Variants in SYNJ2 observed in about 807,000 individuals in gnomAD.
The protein encoded by SYNJ2 is synaptojanin 2, also known as polyphosphatidylinositol phosphatase SYNJ2.
Under a neutral mutation model 141.3 loss-of-function variants are expected in SYNJ2, and 116 were observed. The observed-to-expected ratio is 0.82, with a 90% CI of 0.71 to 0.96. The LOEUF (loss-of-function observed/expected upper bound fraction) is 0.96. Among genes scored for constraint, SYNJ2 ranks in the 40% least tolerant of loss-of-function variants. SYNJ2 has a pLI of 0.00. For missense variants in SYNJ2, 1,873 were observed against 1,934.8 expected (o/e 0.97, Z 0.60); for synonymous variants, 745 against 777.7 (o/e 0.96, Z 0.70).
At chr6:158,075,643 AAAAAAAAAAGTGTG>A (rs1405811636) in intron 16 of SYNJ2, among the ~76,000 whole-genome samples, 1 of 152,050 alleles carries the variant, frequency 6.6e-6, no homozygotes, top group Non-Finnish European at 1.5e-5. Flanking sequence ...CCGTCTCAAA[AAAAAAAAAAGTGTG>A]AGGACAGGGC....
chr6:158,039,854 C>A (rs528860202), intron 4 of SYNJ2, among the ~76,000 whole-genome samples: 3 of 152,314 alleles, frequency 2.0e-5, no homozygotes, highest in Non-Finnish European at 4.4e-5. Context: ...TGTGGTGCCG[C>A]CCGCAGGTCA....
At position 158,033,567 on chromosome 6, in the gene SYNJ2, C is replaced by G. The variant is rs1779484305; in HGVS notation, c.598C>G (p.Gln200Glu). ...TIRTVYASHK[Q>E]AKACLVSRVS... ...CCGCACCGTGTATGCCTCCCACAAG[C>G]AGGCCAAGGCCTGCCTCGTCTCTCG... Residue 200 changes from glutamine to glutamate, a missense_variant, in exon 4 of 27, where the codon CAG (glutamine) becomes GAG (glutamate). Coordinates refer to ENST00000355585, the MANE Select transcript of SYNJ2 (RefSeq NM_003898.4). 1 of 1,614,154 alleles carries G rather than the reference C, an allele frequency of 6.2e-7. No individual in the cohort carries two copies. The highest frequency in any genetic ancestry group is 8.5e-7 in the Non-Finnish European group (1 of 1,180,042).
chr6:157,992,418 T>TTTTTTG (rs1258501231), intron 1 of SYNJ2, among the ~76,000 whole-genome samples: 4 of 147,746 alleles, frequency 2.7e-5, no homozygotes, highest in African/African-American at 9.9e-5. Flanking sequence ...TTTTTTTTTT[T>TTTTTTG]TTTTTCCTTT....
intron 4 of SYNJ2, among the ~76,000 whole-genome samples, chr6:158,038,307 T>A (rs1436291351): frequency 6.6e-6 from 1 of 152,068 alleles, no homozygotes; most frequent in Non-Finnish European, 1.5e-5. Flanking sequence ...CCAACCTTAC[T>A]CCCAGGAGCA....
At chr6:158,005,834 G>A (rs958974369) in intron 1 of SYNJ2, among the ~76,000 whole-genome samples, 2 of 152,040 alleles carry the variant, frequency 1.3e-5, no homozygotes, top group Admixed American at 1.3e-4. Flanking sequence ...GCCACTGGAA[G>A]AGAATTCCCG....
chr6:158,073,271 C>T (rs1260671146), intron 15 of SYNJ2, among the ~76,000 whole-genome samples: 1 of 152,060 alleles, frequency 6.6e-6, no homozygotes, highest in Non-Finnish European at 1.5e-5. Context: ...GATCTTGGCT[C>T]ACTGCAAACT....
chr6:158,069,920 T>C (rs1174246300), intron 14 of SYNJ2, among the ~76,000 whole-genome samples: 2 of 152,252 alleles, frequency 1.3e-5, no homozygotes, highest in African/African-American at 4.8e-5. Context: ...GGGTGTTACA[T>C]GATTGTCATC....
intron 4 of SYNJ2, among the ~76,000 whole-genome samples, chr6:158,036,750 C>A (rs1459475663): frequency 6.6e-6 from 1 of 152,118 alleles, no homozygotes; most frequent in African/African-American, 2.4e-5. Flanking sequence ...ATGTAACAAA[C>A]CTGCACAAGT....
chr6:158,043,636 T>C lies in SYNJ2; in HGVS notation c.795+237T>C, dbSNP rs1257111925. On this transcript the variant is annotated intron_variant, in intron 5 of 26. Coordinates refer to ENST00000355585, the MANE Select transcript of SYNJ2 (RefSeq NM_003898.4). This position sits in a 1 kb window ranked among gnomAD's most constrained non-coding sequence, Gnocchi z 4.0. ...CTTTGTTGTTTCTGGTCGTCAAGGA[T>C]GCTGTGTGAAACCGCTGACTCGGGA... Among the ~76,000 whole-genome samples, 1 of 152,192 alleles carries C rather than the reference T, an allele frequency of 6.6e-6. No homozygotes were observed. Among genetic ancestry groups the C allele is most frequent in the Non-Finnish European group, 1.5e-5 (1 of 68,034 alleles).
At chr6:158,014,237 GGT>G (rs1414800436) in intron 1 of SYNJ2, among the ~76,000 whole-genome samples, 5 of 152,330 alleles carry the variant, frequency 3.3e-5, no homozygotes, top group African/African-American at 1.2e-4. Context: ...ATACCTCTAT[GGT>G]GTTTGGTAGG....
At chr6:158,013,455 G>C (rs1778340835) in intron 1 of SYNJ2, among the ~76,000 whole-genome samples, 1 of 152,188 alleles carries the variant, frequency 6.6e-6, no homozygotes, top group Non-Finnish European at 1.5e-5. Context: ...AGCTCCAATG[G>C]CTGCCAGGGG....
intron 16 of SYNJ2, among the ~76,000 whole-genome samples, chr6:158,075,091 C>A (rs1782192758): frequency 6.6e-6 from 1 of 152,028 alleles, no homozygotes. Flanking sequence ...GCCGCCACAC[C>A]TGGCTAATTT....
intron 1 of SYNJ2, among the ~76,000 whole-genome samples, chr6:158,014,264 T>C (rs1562323813): frequency 6.6e-6 from 1 of 152,252 alleles, no homozygotes; most frequent in Non-Finnish European, 1.5e-5. Flanking sequence ...GTGTATTGAA[T>C]GCATTGTCAA....
chr6:158,073,743 A>G (rs6455990), intron 15 of SYNJ2, among the ~76,000 whole-genome samples: 106,264 of 151,748 alleles, frequency 0.7, 37,461 homozygotes, highest in East Asian at 0.88. Flanking sequence ...GACCTGTTTA[A>G]TCTTCTGTCC....
At chr6:158,045,828 CA>C (rs1780209417) in intron 5 of SYNJ2, among the ~76,000 whole-genome samples, 1 of 152,210 alleles carries the variant, frequency 6.6e-6, no homozygotes, top group Non-Finnish European at 1.5e-5. Flanking sequence ...CTTGGTCTGT[CA>C]GGGGCCAGGA....
At chr6:158,017,160 A>G (rs1744565333) in intron 1 of SYNJ2, 44 bp from the exon 2 acceptor site, 4 of 1,604,234 alleles carry the variant, frequency 2.5e-6, no homozygotes, top group Non-Finnish European at 3.4e-6. Flanking sequence ...AGGAATGAGC[A>G]GGAGACGCTC....
At chr6:158,082,626 C>G (rs1026789629) in intron 20 of SYNJ2, among the ~76,000 whole-genome samples, 1 of 152,154 alleles carries the variant, frequency 6.6e-6, no homozygotes, top group Non-Finnish European at 1.5e-5. Flanking sequence ...CGTGCCACTG[C>G]ACTCCAGCCT....
At chr6:158,017,405 C>CTTT (rs34667973) in intron 2 of SYNJ2, 115 bp downstream of exon 2, 1,486 of 599,198 alleles carry the variant, frequency 2.5e-3, no homozygotes, top group South Asian at 9.0e-3. Context: ...TCTCTCTCTT[C>CTTT]TTTTTTTTTT....
Position 158,028,921 on chromosome 6 carries a change from G to A in SYNJ2, c.380G>A (p.Gly127Glu). The change falls in exon 3 of 27, where the codon GGG becomes GAG. Residue 127 changes from glycine to glutamate, a missense_variant. Transcript: ENST00000355585. ...LIALKKILSS[G>E]VFYFSWPNDG... ...GCTTTGAAGAAAATCCTCAGCTCGG[G>A]GGTGTTCTATTTCTCATGGCCAAAC... is the stretch of plus-strand genomic sequence containing the variant. 1 of 1,614,156 alleles carries A rather than the reference G, an allele frequency of 6.2e-7. No individual in the cohort carries two copies. Among genetic ancestry groups the A allele is most frequent in the Non-Finnish European group, 8.5e-7 (1 of 1,180,024 alleles).
Sources: allele counts gnomAD v4.1 joint callset (sites outside exome capture counted in the v4.1 genomes callset), GRCh38; gene constraint gnomAD v4.1.1; non-coding constraint Gnocchi (gnomAD v3.1); transcripts MANE v1.5; gene names NCBI Gene and HGNC (gene_info 2026-07-23, HGNC 2026-07-21).